KIAA0825: variants seen among roughly 807,000 people sequenced by gnomAD.
KIAA0825 encodes uncharacterized protein KIAA0825.
A neutral mutation model predicts 147.6 loss-of-function variants in KIAA0825; 119 were observed. The observed-to-expected ratio is 0.81, with a 90% CI of 0.69 to 0.94. The LOEUF is 0.94. Ranked by LOEUF, KIAA0825 falls within the 40% of genes least tolerant of loss-of-function variation. KIAA0825 has a pLI of 0.00. For synonymous variants in KIAA0825, 470 were observed against 518.1 expected (o/e 0.91, Z 1.26); for missense variants, 1,381 against 1,472.7 (o/e 0.94, Z 1.02).
intron 20 of KIAA0825, among the ~76,000 whole-genome samples, chr5:94,203,076 A>G (rs1653581157): frequency 6.6e-6 from 1 of 152,230 alleles, no homozygotes; most frequent in Non-Finnish European, 1.5e-5. Flanking sequence ...AATGTTCATT[A>G]TTCCTAATGG....
chr5:94,251,329 A>G (rs1017586338), intron 20 of KIAA0825, among the ~76,000 whole-genome samples: 1 of 152,126 alleles, frequency 6.6e-6, no homozygotes, highest in Non-Finnish European at 1.5e-5. Context: ...ATAACCCCAC[A>G]CAAAGCAAAT....
intron 20 of KIAA0825, among the ~76,000 whole-genome samples, chr5:94,198,082 T>C (rs1426967408): frequency 1.3e-5 from 2 of 152,222 alleles, no homozygotes; most frequent in Non-Finnish European, 2.9e-5. Flanking sequence ...ATAATATTGA[T>C]TCTTCCTATT....
At chr5:94,162,781 C>G (rs1470355264) in intron 20 of KIAA0825, among the ~76,000 whole-genome samples, 3 of 152,174 alleles carry the variant, frequency 2.0e-5, no homozygotes, top group African/African-American at 7.2e-5. Flanking sequence ...TAGCATATTT[C>G]AAATAACTAA....
At chr5:94,551,687 TGGCC>T (rs1775566935) in intron 2 of KIAA0825, among the ~76,000 whole-genome samples, 1 of 152,082 alleles carries the variant, frequency 6.6e-6, no homozygotes, top group South Asian at 2.1e-4. Context: ...TGACATATAT[TGGCC>T]TTATATTAAA....
intron 20 of KIAA0825, among the ~76,000 whole-genome samples, chr5:94,339,502 A>G (rs557462434): frequency 1.3e-5 from 2 of 152,174 alleles, no homozygotes; most frequent in African/African-American, 4.8e-5. Flanking sequence ...ACCGTATTGA[A>G]TATCTTATGT....
At chr5:94,383,650 A>G (rs1288899257) in intron 20 of KIAA0825, among the ~76,000 whole-genome samples, 1 of 152,166 alleles carries the variant, frequency 6.6e-6, no homozygotes, top group Non-Finnish European at 1.5e-5. Flanking sequence ...TACACCTTAT[A>G]GTTTTTACTG....
At position 94,537,026 on chromosome 5, in the gene KIAA0825, A is replaced by G. The variant is rs758601966; in HGVS notation, c.101T>C (p.Ile34Thr). Residue 34 changes from isoleucine to threonine, a missense_variant, in exon 3 of 21, where the codon ATT becomes ACT. Ile to Thr is a moderately conservative substitution (Grantham distance 89). Transcript: ENST00000682413. ...DLEFEQIFSD[I>T]DEKIEQNAAS... Reference sequence around the variant, plus strand: ...AGCATTTTGTTCAATCTTTTCATCAATGTCACTGAAGATCTGCTCAAACTC... The same window carrying G: ...AGCATTTTGTTCAATCTTTTCATCAGTGTCACTGAAGATCTGCTCAAACTC... 5 of 1,605,738 alleles carry G rather than the reference A, an allele frequency of 3.1e-6. No homozygotes were observed. The highest frequency in any genetic ancestry group is 1.1e-5 in the South Asian group (1 of 90,080).
At chr5:94,223,553 TC>T (rs1354899248) in intron 20 of KIAA0825, among the ~76,000 whole-genome samples, 1 of 152,216 alleles carries the variant, frequency 6.6e-6, no homozygotes, top group African/African-American at 2.4e-5. Flanking sequence ...GTGATGTTAA[TC>T]ACTTGACAAA....
intron 20 of KIAA0825, among the ~76,000 whole-genome samples, chr5:94,369,007 A>C (rs1746277999): frequency 6.6e-6 from 1 of 152,036 alleles, no homozygotes; most frequent in South Asian, 2.1e-4. Context: ...TTCTCTACTA[A>C]AAATACAAAA....
rs1331134820 is a variant in KIAA0825 at position 94,462,419 on chromosome 5, G to A, written c.2214C>T (p.Val738=). The change falls in exon 12 of 21, where the codon GTC becomes GTT. Residue 738 remains valine, a synonymous_variant. Coordinates refer to ENST00000682413, the MANE Select transcript of KIAA0825 (RefSeq NM_001145678.3). The part of the protein sequence containing the change: ...THCNNLFTTL[V]ILTSPLTELY... ...ATTCTGTTAATGGTGAAGTCAAAAT[G>A]ACTAATGTTGTAAACAGATTATTAC... 1 of 1,466,424 alleles carries A rather than the reference G, an allele frequency of 6.8e-7. No homozygotes were observed. 90.8% of individuals were successfully genotyped at this position (1,466,424 alleles called of 1,614,324 possible).
rs778286784 is a variant in KIAA0825 at position 94,520,523 on chromosome 5, T to C, written c.695A>G (p.Asn232Ser). The C allele has an allele frequency of 3.1e-6, 5 of 1,613,032 alleles. No homozygotes were observed. The South Asian group carries it at 3.3e-5, about 11-fold the overall frequency. The part of the protein sequence containing the change: ...NLLWNCFPSY[N>S]RDSNLDVIAH... ...TATTACATCTAAATTTGAATCTCTG[T>C]TGTAAGAAGGAAAGCAGTTCCACAG... Residue 232 changes from asparagine to serine, a missense_variant, in exon 5 of 21, where the codon AAC becomes AGC. By Grantham distance (46) the Asn-to-Ser change is conservative. Coordinates refer to ENST00000682413, the MANE Select transcript of KIAA0825 (RefSeq NM_001145678.3).
At chr5:94,242,434 C>A (rs1775393732) in intron 20 of KIAA0825, among the ~76,000 whole-genome samples, 1 of 152,162 alleles carries the variant, frequency 6.6e-6, no homozygotes, top group African/African-American at 2.4e-5. Context: ...GGTCTCTCTG[C>A]TTCTAGTCCT....
At position 94,152,842 on chromosome 5, in the gene KIAA0825, AAAAAAAAAAAAAATTATATATAT is replaced by A. The variant is rs1766613579; in HGVS notation, c.*1142_*1164del. ...AAATGAAAAAAAAAAAAAAAAAAAA[AAAAAAAAAAAAAATTATATATAT>A]ATATATATATATATATATATATATA... On this transcript the variant is annotated 3_prime_UTR_variant, in exon 21 of 21. Transcript: ENST00000682413. The A allele has an allele frequency of 2.8e-5, 1 of 35,258 alleles. No homozygotes were observed. Among genetic ancestry groups the A allele is most frequent in the Admixed American group, 4.1e-4 (1 of 2,438 alleles). 2.2% of individuals were successfully genotyped at this position (35,258 alleles called of 1,614,324 possible).
At chr5:94,341,845 A>T (rs897681369) in intron 20 of KIAA0825, among the ~76,000 whole-genome samples, 20 of 152,282 alleles carry the variant, frequency 1.3e-4, no homozygotes, top group African/African-American at 3.8e-4. Context: ...CATTTGAGTG[A>T]TCAAAAATAT....
chr5:94,585,049 A>G (rs1472321853), intron 1 of KIAA0825, among the ~76,000 whole-genome samples: 1 of 152,186 alleles, frequency 6.6e-6, no homozygotes, highest in African/African-American at 2.4e-5. Flanking sequence ...AGCACTAAAC[A>G]TGGAAAGGAA....
rs148735564 is a variant in KIAA0825, at chr5:94,382,404, C to T, written c.3710+1964G>A. ...ATCGAGAAACTAACAATTTCCTTAC[C>T]GGTTCAATATTAAACAAAACTCATA... On this transcript the variant is annotated intron_variant, in intron 20 of 20. Transcript: ENST00000682413. 8.6e-3 allele frequency among the ~76,000 whole-genome samples: 1,314 copies of T among 152,184 alleles called. 25 individuals are homozygous for T. The highest frequency in any genetic ancestry group is 0.03 in the African/African-American group (1,242 of 41,510).
intron 20 of KIAA0825, among the ~76,000 whole-genome samples, chr5:94,353,862 T>C (rs1783966357): frequency 6.6e-6 from 1 of 152,192 alleles, no homozygotes; most frequent in Admixed American, 6.5e-5. Context: ...GAATATCATA[T>C]GTAAATGCAA....
chr5:94,473,781 T>C (rs1248081898), intron 7 of KIAA0825, among the ~76,000 whole-genome samples: 1 of 152,156 alleles, frequency 6.6e-6, no homozygotes, highest in Non-Finnish European at 1.5e-5. Context: ...TTTTAAAAAA[T>C]TTAATCTCTT....
intron 20 of KIAA0825, among the ~76,000 whole-genome samples, chr5:94,356,883 C>T (rs936188604): frequency 1.3e-5 from 2 of 151,666 alleles, no homozygotes; most frequent in African/African-American, 2.4e-5. Context: ...CACCACCACA[C>T]CCAGCTAATT....
Sources: gnomAD v4.1 joint callset for allele counts (sites outside exome capture counted in the v4.1 genomes callset) on GRCh38, gnomAD v4.1.1 for gene constraint, MANE v1.5 for transcripts, NCBI Gene and HGNC (gene_info 2026-07-23, HGNC 2026-07-21) for gene names.